The following ATRX variants were observed in gnomAD, a reference collection of about 807,000 sequenced individuals.
ATRX encodes the protein ATRX chromatin remodeler.
In ATRX, 12 loss-of-function variants were observed where a neutral mutation model predicts 172.6. The ratio of observed to expected loss-of-function variants is 0.07; its 90% CI spans 0.04 to 0.11. The LOEUF is 0.11. ATRX is among the 10% of genes least tolerant of loss of function. The pLI is 1.00. For synonymous variants in ATRX, 674 were observed against 594.7 expected (o/e 1.13, Z -1.94); for missense variants, 1,368 against 1,767.4 (o/e 0.77, Z 4.05).
intron 30 of ATRX, among the ~76,000 whole-genome samples, chrX:77,553,845 T>C (rs2064659092): frequency 8.9e-6 from 1 of 111,933 alleles, no homozygotes; most frequent in Non-Finnish European, 1.9e-5. Context: ...TCTGTAACTC[T>C]TACTATATTA....
intron 30 of ATRX, among the ~76,000 whole-genome samples, chrX:77,538,508 G>T (rs782394286): frequency 1.8e-5 from 2 of 111,078 alleles, no homozygotes; most frequent in Non-Finnish European, 3.8e-5. Flanking sequence ...AAGAAATTAC[G>T]TATTGTGTAC....
At chrX:77,743,309 G>T (rs2074950531) in intron 1 of ATRX, among the ~76,000 whole-genome samples, 1 of 110,630 alleles carries the variant, frequency 9.0e-6, no homozygotes, top group Non-Finnish European at 1.9e-5. Context: ...ACTTCCCCAT[G>T]GCAGGATCTC....
chrX:77,518,443 A>C (rs1414148968), intron 34 of ATRX, among the ~76,000 whole-genome samples: 1 of 112,054 alleles, frequency 8.9e-6, no homozygotes, highest in Non-Finnish European at 1.9e-5. Flanking sequence ...GAATAAACTT[A>C]ACCAAAGAAG....
At chrX:77,539,348 TA>T (rs1286889585) in intron 30 of ATRX, among the ~76,000 whole-genome samples, 4 of 111,153 alleles carry the variant, frequency 3.6e-5, no homozygotes. Context: ...TACTGGTTTT[TA>T]AAAAAATATT....
At chrX:77,646,446 C>A (rs1449820105) in intron 15 of ATRX, among the ~76,000 whole-genome samples, 1 of 111,008 alleles carries the variant, frequency 9.0e-6, no homozygotes, top group Non-Finnish European at 1.9e-5. Flanking sequence ...AACAACAGAG[C>A]ACCAAGACAT....
At chrX:77,782,208 T>C (rs1457721907) in intron 1 of ATRX, among the ~76,000 whole-genome samples, 1 of 112,231 alleles carries the variant, frequency 8.9e-6, no homozygotes, top group Non-Finnish European at 1.9e-5. Flanking sequence ...CTTTTCATAG[T>C]GGAAATGCAA....
At chrX:77,509,564 C>A (rs1430578563) in intron 34 of ATRX, among the ~76,000 whole-genome samples, 1 of 111,692 alleles carries the variant, frequency 9.0e-6, no homozygotes, top group African/African-American at 3.3e-5. Flanking sequence ...GCCAATGCCA[C>A]CCCTCACTCA....
At chrX:77,523,440 C>T (rs367589150) in intron 30 of ATRX, 39 bp from the exon 31 acceptor site, 10 of 1,167,890 alleles carry the variant, frequency 8.6e-6, no homozygotes, top group Non-Finnish European at 8.1e-6. Context: ...ATTATTTTTC[C>T]CCTCTGGACA....
intron 6 of ATRX, among the ~76,000 whole-genome samples, 158 bp from the exon 7 acceptor site, chrX:77,689,085 G>A (rs782621439): frequency 2.7e-5 from 3 of 112,050 alleles, no homozygotes; most frequent in South Asian, 7.3e-4. Context: ...ATATTTTATC[G>A]ACTTACTAAG....
intron 22 of ATRX, among the ~76,000 whole-genome samples, chrX:77,614,848 A>G (rs782064488): frequency 8.9e-6 from 1 of 111,931 alleles, no homozygotes; most frequent in Non-Finnish European, 1.9e-5. Flanking sequence ...GTCTGTACCC[A>G]TTAACCAACC....
At chrX:77,738,190 C>A (rs2074683511) in intron 1 of ATRX, among the ~76,000 whole-genome samples, 1 of 108,324 alleles carries the variant, frequency 9.2e-6, no homozygotes, top group East Asian at 2.9e-4. Flanking sequence ...TTTAAATTAG[C>A]CGGCTGTGGT....
At chrX:77,554,206 G>A (rs1557057791) in intron 30 of ATRX, among the ~76,000 whole-genome samples, 1 of 110,815 alleles carries the variant, frequency 9.0e-6, no homozygotes, top group Non-Finnish European at 1.9e-5. Flanking sequence ...TCGGGAAGCC[G>A]AGGCACAAGA....
In ATRX at chrX:77,507,390, G is replaced by A. The variant is rs1602299842; in HGVS notation, c.*961C>T. 2 of 174,060 alleles carry A rather than the reference G, an allele frequency of 1.1e-5. No homozygotes were observed. Among genetic ancestry groups the A allele is most frequent in the East Asian group, 8.2e-5 (1 of 12,175 alleles). The allele number at this position is 174,060 out of a possible 1,213,427, so 14.3% of individuals were successfully genotyped here. A position where few individuals can be genotyped will look rare whatever the true frequency, so the allele number is the denominator to read the frequency against. On this transcript the variant is annotated 3_prime_UTR_variant, in exon 35 of 35. Coordinates refer to ENST00000373344, the MANE Select transcript of ATRX (RefSeq NM_000489.6). ...TCAGCAATGGTTCTGCCATTTTGAT[G>A]TTGTTTATAAAACAGGGTGTGAACC...
intron 1 of ATRX, among the ~76,000 whole-genome samples, chrX:77,781,123 T>G (rs1183881793): frequency 1.8e-5 from 2 of 110,431 alleles, no homozygotes; most frequent in Admixed American, 1.9e-4. Flanking sequence ...CTCAAACCAT[T>G]TAGTCGCAGC....
chrX:77,730,989 C>A (rs112223858), intron 1 of ATRX, among the ~76,000 whole-genome samples: 3 of 101,815 alleles, frequency 2.9e-5, no homozygotes, highest in Non-Finnish European at 4.0e-5. Context: ...GTGAAGCAAA[C>A]GAAACTGAAA....
chrX:77,732,190 G>A (rs921854296), intron 1 of ATRX, among the ~76,000 whole-genome samples: 2 of 111,592 alleles, frequency 1.8e-5, no homozygotes, highest in Non-Finnish European at 3.8e-5. Context: ...TCACTCGCTT[G>A]TGCCTGGTCT....
At chrX:77,538,194 G>A (rs1284340130) in intron 30 of ATRX, among the ~76,000 whole-genome samples, 3 of 105,188 alleles carry the variant, frequency 2.9e-5, no homozygotes, top group Non-Finnish European at 5.8e-5. Context: ...CTTAAAAGCT[G>A]AAGGATAAAA....
At position 77,684,385 on chromosome X, in the gene ATRX, A is replaced by G. The variant is rs1557142661; in HGVS notation, c.871T>C (p.Leu291=). The G allele has an allele frequency of 8.3e-7, 1 of 1,211,168 alleles. No individual in the cohort carries two copies. Among genetic ancestry groups the G allele is most frequent in the Non-Finnish European group, 1.1e-6 (1 of 894,749 alleles). The change falls in exon 9 of 35, where the codon TTG becomes CTG. Residue 291 remains leucine, a synonymous_variant. Coordinates refer to ENST00000373344, the MANE Select transcript of ATRX (RefSeq NM_000489.6). ...NSVFENLEQL[L]QQNKKKIKVD... is the part of the protein sequence containing the mutation. Reference sequence around the variant, plus strand: ...TTTATCTTCTTCTTATTTTGCTGCAACAACTGTTCTAAATTCTCAAATACG... The same window carrying G: ...TTTATCTTCTTCTTATTTTGCTGCAGCAACTGTTCTAAATTCTCAAATACG...
chrX:77,543,040 A>C (rs1012665008), intron 30 of ATRX, among the ~76,000 whole-genome samples: 22 of 111,988 alleles, frequency 2.0e-4, no homozygotes, highest in Non-Finnish European at 3.6e-4. Context: ...ACAGAACAGG[A>C]GAAAATTTTT....
Sources: gnomAD v4.1 joint callset for allele counts (sites outside exome capture counted in the v4.1 genomes callset) on GRCh38, gnomAD v4.1.1 for gene constraint, MANE v1.5 for transcripts, NCBI Gene and HGNC (gene_info 2026-07-23, HGNC 2026-07-21) for gene names.